The following FANCB variants were observed in gnomAD, a reference collection of about 807,000 sequenced individuals.
FANCB encodes FA complementation group B.
In FANCB, 5 loss-of-function variants were observed where a neutral mutation model predicts 38.9. The observed-to-expected ratio is 0.13, with a 90% CI of 0.07 to 0.27. The LOEUF is 0.27. Ranked by LOEUF, FANCB falls within the 10% of genes least tolerant of loss-of-function variation. The probability of loss-of-function intolerance (pLI) is 1.00; values close to 1 mark genes in which losing one functional copy is unlikely to be tolerated. For missense variants in FANCB, 573 were observed against 602.7 expected (o/e 0.95, Z 0.52); for synonymous variants, 236 against 215.4 (o/e 1.10, Z -0.84).
chrX:14,801,036 AC>A, the FANCB span, among the ~76,000 whole-genome samples: 1 of 102,653 alleles, frequency 9.7e-6, no homozygotes, highest in Admixed American at 1.0e-4. Context: ...AGTAGAAATT[AC>A]CGAAGCAGAA....
At chrX:14,859,381 A>C (rs776590717) in intron 3 of FANCB, 47 bp from the exon 4 acceptor site, 25 of 942,676 alleles carry the variant, frequency 2.7e-5, no homozygotes, top group Non-Finnish European at 3.8e-5. Flanking sequence ...GAAAAAATCG[A>C]ATGTGAAATA....
At chrX:14,710,877 CT>C in the FANCB span, among the ~76,000 whole-genome samples, 1 of 112,202 alleles carries the variant, frequency 8.9e-6, no homozygotes, top group Admixed American at 9.4e-5. Flanking sequence ...ACCTAGTCCC[CT>C]AACCCATTCA....
intron 3 of FANCB, among the ~76,000 whole-genome samples, chrX:14,860,235 C>T (rs189904410): frequency 3.1e-4 from 35 of 111,947 alleles, no homozygotes; most frequent in African/African-American, 1.0e-3. Context: ...AGGAAGGTAG[C>T]TCACATTAGA....
the FANCB span, among the ~76,000 whole-genome samples, chrX:14,787,694 G>A: frequency 1.9e-5 from 2 of 106,534 alleles, no homozygotes; most frequent in Admixed American, 1.0e-4. Flanking sequence ...AATAAATAAA[G>A]GCAAACCTAA....
At chrX:14,710,098 C>T in the FANCB span, among the ~76,000 whole-genome samples, 2 of 111,684 alleles carry the variant, frequency 1.8e-5, no homozygotes, top group Admixed American at 9.5e-5. Flanking sequence ...CACACCTGGG[C>T]GATTTCATCA....
chrX:14,766,677 T>G, the FANCB span, among the ~76,000 whole-genome samples: 3 of 111,198 alleles, frequency 2.7e-5, no homozygotes, highest in Non-Finnish European at 5.7e-5. Context: ...TTTTCTTTTT[T>G]TTTTAAATTT....
At chrX:14,850,299 G>A (rs1285436490) in intron 7 of FANCB, among the ~76,000 whole-genome samples, 3 of 112,060 alleles carry the variant, frequency 2.7e-5, no homozygotes, top group Admixed American at 9.4e-5. Context: ...GCAGTGAGCC[G>A]AGATCATCCC....
the FANCB span, among the ~76,000 whole-genome samples, chrX:14,830,802 A>G: frequency 1.1e-3 from 121 of 112,135 alleles, no homozygotes; most frequent in African/African-American, 3.6e-3. Context: ...ATGGATGCCC[A>G]TCCATACCTT....
the FANCB span, among the ~76,000 whole-genome samples, chrX:14,801,391 C>G: frequency 8.9e-6 from 1 of 112,035 alleles, no homozygotes; most frequent in African/African-American, 3.2e-5. Context: ...GGGATGTGGC[C>G]CATCTTCAGC....
At chrX:14,730,884 T>C in the FANCB span, 73 of 143,034 alleles carry the variant, frequency 5.1e-4, 1 homozygote, top group African/African-American at 2.7e-3. Flanking sequence ...TACTGAAAAG[T>C]TAGCTATACA....
chrX:14,794,380 T>C, the FANCB span, among the ~76,000 whole-genome samples: 1 of 111,231 alleles, frequency 9.0e-6, no homozygotes, highest in Non-Finnish European at 1.9e-5. Flanking sequence ...AAAGGTAAAA[T>C]AATGAGTTGA....
chrX:14,793,490 A>T, the FANCB span, among the ~76,000 whole-genome samples: 1 of 112,377 alleles, frequency 8.9e-6, no homozygotes, highest in Non-Finnish European at 1.9e-5. Context: ...AAACCATAGA[A>T]TTGTATACTC....
In FANCB at chrX:14,850,519, T is replaced by C. The variant is rs1373851722; in HGVS notation, c.1482A>G (p.Thr494=). 1 of 1,201,037 alleles carries C rather than the reference T, an allele frequency of 8.3e-7. No homozygotes were observed. Among genetic ancestry groups the C allele is most frequent in the East Asian group, 3.0e-5 (1 of 33,702 alleles). ...DDSLVVGVKT[T]SSLKLSLNDV... ...AATTTACTTACAGCTTCAAAGAAGA[T>C]GTAGTTTTCACTCCAACAACCAAGC... The change falls in exon 7 of 10, where the codon ACA becomes ACG. Residue 494 remains threonine, a synonymous_variant. Transcript: ENST00000650831.
At chrX:14,834,424 A>T (rs2092335692), downstream of FANCB, 1 of 424,159 alleles carries the variant, frequency 2.4e-6, no homozygotes, top group Admixed American at 2.7e-5. Context: ...CTGTTATGGA[A>T]ATGAAATAAG....
At chrX:14,716,562 A>G in the FANCB span, among the ~76,000 whole-genome samples, 1 of 111,627 alleles carries the variant, frequency 9.0e-6, no homozygotes, top group Non-Finnish European at 1.9e-5. Context: ...AGGGAGCACG[A>G]CTTTTCTGTG....
the FANCB span, among the ~76,000 whole-genome samples, chrX:14,719,246 T>C: frequency 8.9e-6 from 1 of 112,160 alleles, no homozygotes; most frequent in Non-Finnish European, 1.9e-5. Flanking sequence ...TTACAGGTAT[T>C]GAACTAAAAT....
At chrX:14,859,395 AAATT>A (rs1162324510) in intron 3 of FANCB, 61 bp from the exon 4 acceptor site, 36 of 831,786 alleles carry the variant, frequency 4.3e-5, no homozygotes, top group Admixed American at 1.2e-4. Flanking sequence ...TGAAATAAAT[AAATT>A]AAGTCCTTTT....
chrX:14,759,927 G>A, the FANCB span, among the ~76,000 whole-genome samples: 1 of 111,545 alleles, frequency 9.0e-6, no homozygotes, highest in Non-Finnish European at 1.9e-5. Context: ...AAGCCAAGGA[G>A]AAATAAAATC....
chrX:14,702,297 T>A, the FANCB span, among the ~76,000 whole-genome samples: 4 of 111,736 alleles, frequency 3.6e-5, no homozygotes, highest in Admixed American at 2.8e-4. Context: ...TGTGGAAACA[T>A]CACTCTATAT....
Sources: gnomAD v4.1 joint callset for allele counts (sites outside exome capture counted in the v4.1 genomes callset) on GRCh38, gnomAD v4.1.1 for gene constraint, MANE v1.5 for transcripts, NCBI Gene and HGNC (gene_info 2026-07-23, HGNC 2026-07-21) for gene names.